Variants in GPR149 observed in about 807,000 individuals in gnomAD.
The protein encoded by GPR149 is G protein-coupled receptor 149, also known as probable G protein-coupled receptor 149.
Under a neutral mutation model 50.2 loss-of-function variants are expected in GPR149, and 50 were observed. The observed-to-expected ratio is 1.00, with a 90% CI of 0.79 to 1.26. The LOEUF is 1.26. Among genes scored for constraint, GPR149 ranks in the 50% most tolerant of loss-of-function variants. GPR149 has a pLI of 0.00. For synonymous variants in GPR149, 405 were observed against 358.2 expected (o/e 1.13, Z -1.48); for missense variants, 983 against 895.4 (o/e 1.10, Z -1.25).
intron 3 of GPR149, among the ~76,000 whole-genome samples, chr3:154,349,393 T>G (rs1200407716): frequency 1.3e-5 from 2 of 152,146 alleles, no homozygotes; most frequent in African/African-American, 2.4e-5. Context: ...ATTACCAGTA[T>G]TAGGAATGAA....
intron 3 of GPR149, among the ~76,000 whole-genome samples, chr3:154,408,044 G>A (rs1486871086): frequency 1.3e-5 from 2 of 152,112 alleles, no homozygotes; most frequent in Non-Finnish European, 2.9e-5. Flanking sequence ...TGATAGCATA[G>A]TTTATGATCT....
chr3:154,374,342 T>C (rs1714743113), intron 3 of GPR149, among the ~76,000 whole-genome samples: 1 of 151,820 alleles, frequency 6.6e-6, no homozygotes, highest in Non-Finnish European at 1.5e-5. Flanking sequence ...ACCCAGATAA[T>C]TTTTGTATTT....
chr3:154,356,702 A>G (rs901665770), intron 3 of GPR149, among the ~76,000 whole-genome samples: 23 of 152,188 alleles, frequency 1.5e-4, no homozygotes, highest in Non-Finnish European at 1.5e-4. Context: ...AAATGGAAGA[A>G]CATTCCATGC....
intron 3 of GPR149, among the ~76,000 whole-genome samples, chr3:154,383,969 C>T (rs1383662769): frequency 6.6e-6 from 1 of 152,090 alleles, no homozygotes; most frequent in Non-Finnish European, 1.5e-5. Flanking sequence ...CTTGGACTTT[C>T]CAGCCTCCAG....
chr3:154,344,028 A>G (rs554119546), intron 3 of GPR149, among the ~76,000 whole-genome samples: 1 of 152,270 alleles, frequency 6.6e-6, no homozygotes, highest in South Asian at 2.1e-4. Flanking sequence ...AGAGAATGGC[A>G]CTCATGACTG....
chr3:154,398,754 A>G (rs1715352220), intron 3 of GPR149, among the ~76,000 whole-genome samples: 1 of 152,166 alleles, frequency 6.6e-6, no homozygotes, highest in Non-Finnish European at 1.5e-5. Context: ...TCATTTCATC[A>G]ATGTAGGAAC....
intron 3 of GPR149, among the ~76,000 whole-genome samples, chr3:154,362,402 C>T (rs1454955230): frequency 6.6e-6 from 1 of 151,984 alleles, no homozygotes; most frequent in Non-Finnish European, 1.5e-5. Flanking sequence ...TGCTAGATTT[C>T]CATATTCTCC....
chr3:154,382,062 C>T (rs1334664349), intron 3 of GPR149, among the ~76,000 whole-genome samples: 3 of 152,090 alleles, frequency 2.0e-5, no homozygotes, highest in African/African-American at 7.2e-5. Context: ...GTGAGTCAAT[C>T]TTAATACATA....
intron 3 of GPR149, among the ~76,000 whole-genome samples, chr3:154,373,398 G>C (rs1431771032): frequency 6.6e-6 from 1 of 152,148 alleles, no homozygotes; most frequent in Non-Finnish European, 1.5e-5. Context: ...TTACTACCAG[G>C]GGCCCATACT....
chr3:154,426,314 GC>G (rs1712292433), intron 2 of GPR149, among the ~76,000 whole-genome samples: 1 of 152,072 alleles, frequency 6.6e-6, no homozygotes, highest in African/African-American at 2.4e-5. Context: ...AATATTAAAT[GC>G]CATCACTATG....
intron 3 of GPR149, among the ~76,000 whole-genome samples, chr3:154,380,176 G>C (rs868797041): frequency 6.3e-5 from 8 of 127,724 alleles, no homozygotes; most frequent in African/African-American, 2.0e-4. Context: ...CAGAGAGAGA[G>C]AGAGAGAGAG....
At chr3:154,420,502 G>A (rs1473953771) in intron 3 of GPR149, among the ~76,000 whole-genome samples, 1 of 151,936 alleles carries the variant, frequency 6.6e-6, no homozygotes, top group Non-Finnish European at 1.5e-5. Flanking sequence ...AAATGCTCAC[G>A]AGAATGTATT....
At chr3:154,381,826 A>C (rs1034694987) in intron 3 of GPR149, among the ~76,000 whole-genome samples, 21 of 32,968 alleles carry the variant, frequency 6.4e-4, no homozygotes, top group Non-Finnish European at 2.5e-3. Flanking sequence ...GGTGATGTGC[A>C]CTATTAAAAA....
chr3:154,358,525 CTTTA>C (rs1714301053), intron 3 of GPR149, among the ~76,000 whole-genome samples: 1 of 152,210 alleles, frequency 6.6e-6, no homozygotes, highest in East Asian at 1.9e-4. Context: ...TGAAAAGAAA[CTTTA>C]TTTATCAATA....
chr3:154,383,477 T>C (rs968200308), intron 3 of GPR149, among the ~76,000 whole-genome samples: 3 of 152,128 alleles, frequency 2.0e-5, no homozygotes, highest in African/African-American at 7.2e-5. Context: ...ACAGTGAATA[T>C]GGGGCACACT....
At chr3:154,427,839 C>T (rs112923109) in intron 1 of GPR149, 131 bp from the exon 2 acceptor site, 15 of 854,590 alleles carry the variant, frequency 1.8e-5, no homozygotes, top group African/African-American at 1.7e-4. Context: ...ACCTCTGCTA[C>T]GGAGCTGGCT....
At chr3:154,363,398 T>C (rs1714460072) in intron 3 of GPR149, among the ~76,000 whole-genome samples, 1 of 152,058 alleles carries the variant, frequency 6.6e-6, no homozygotes, top group African/African-American at 2.4e-5. Flanking sequence ...AGATCAAGGT[T>C]CCAGCATTAG....
intron 3 of GPR149, among the ~76,000 whole-genome samples, chr3:154,364,028 C>A (rs1439265710): frequency 6.6e-6 from 1 of 152,146 alleles, no homozygotes; most frequent in South Asian, 2.1e-4. Context: ...AATAAAAGAG[C>A]TGTAACTCTC....
intron 3 of GPR149, among the ~76,000 whole-genome samples, chr3:154,358,127 C>T (rs1559973344): frequency 1.4e-5 from 2 of 146,990 alleles, no homozygotes; most frequent in Non-Finnish European, 3.0e-5. Context: ...ACATCACACA[C>T]TGGGGCCTGT....
Sources: gnomAD v4.1 joint callset for allele counts (sites outside exome capture counted in the v4.1 genomes callset) on GRCh38, gnomAD v4.1.1 for gene constraint, MANE v1.5 for transcripts, NCBI Gene and HGNC (gene_info 2026-07-23, HGNC 2026-07-21) for gene names.